KCNIP4: variants seen among roughly 807,000 people sequenced by gnomAD.
The protein encoded by KCNIP4 is potassium voltage-gated channel interacting protein 4.
Under a neutral mutation model 34.0 loss-of-function variants are expected in KCNIP4, and 12 were observed. The ratio of observed to expected loss-of-function variants is 0.35; its 90% CI spans 0.23 to 0.57. KCNIP4 has a LOEUF of 0.57. Ranked by LOEUF, KCNIP4 falls within the 20% of genes least tolerant of loss-of-function variation. The probability of loss-of-function intolerance (pLI) is 0.83; values close to 1 mark genes in which losing one functional copy is unlikely to be tolerated. For synonymous variants in KCNIP4, 124 were observed against 102.2 expected (o/e 1.21, Z -1.29); for missense variants, 238 against 311.7 (o/e 0.76, Z 1.78).
At chr4:21,112,025 G>GTATCCATCTATCTATCTATCTATCTATC (rs35053587) in intron 1 of KCNIP4, among the ~76,000 whole-genome samples, 5 of 114,808 alleles carry the variant, frequency 4.4e-5, no homozygotes, top group African/African-American at 2.0e-4. Context: ...TCCTTTCTCT[G>GTATCCATCTATCTATCTATCTATCTATC]TATCTATCTA....
intron 1 of KCNIP4, among the ~76,000 whole-genome samples, chr4:21,312,542 CA>C (rs1399407059): frequency 2.0e-5 from 3 of 152,196 alleles, no homozygotes; most frequent in African/African-American, 7.2e-5. Context: ...ACACCTTTTA[CA>C]AACTTGACAT....
At chr4:21,430,334 T>TA (rs1434846612) in intron 1 of KCNIP4, among the ~76,000 whole-genome samples, 32 of 151,026 alleles carry the variant, frequency 2.1e-4, no homozygotes, top group Admixed American at 2.0e-3. Context: ...AAAGAGAAGG[T>TA]AAAAAGAAGA....
At chr4:21,325,603 T>C (rs1000927989) in intron 1 of KCNIP4, among the ~76,000 whole-genome samples, 2 of 151,920 alleles carry the variant, frequency 1.3e-5, no homozygotes, top group Admixed American at 6.6e-5. Context: ...TTTCATTTAT[T>C]TCTGCTCTGA....
At chr4:20,991,311 T>A (rs1737065822) in intron 1 of KCNIP4, among the ~76,000 whole-genome samples, 1 of 152,132 alleles carries the variant, frequency 6.6e-6, no homozygotes, top group Non-Finnish European at 1.5e-5. Flanking sequence ...AAATATTCAG[T>A]AACTAGTTCT....
intron 1 of KCNIP4, among the ~76,000 whole-genome samples, chr4:21,322,334 G>T (rs1714586255): frequency 6.6e-6 from 1 of 152,202 alleles, no homozygotes; most frequent in Non-Finnish European, 1.5e-5. Context: ...CAGGGGAGGA[G>T]GCCACAACTA....
intron 1 of KCNIP4, among the ~76,000 whole-genome samples, chr4:21,664,833 C>T (rs538313590): frequency 3.2e-4 from 49 of 152,240 alleles, no homozygotes; most frequent in African/African-American, 1.1e-3. Context: ...CATTGCACAA[C>T]TTTATGGCAT....
intron 1 of KCNIP4, among the ~76,000 whole-genome samples, chr4:21,461,366 A>C (rs2109775811): frequency 6.6e-6 from 1 of 152,114 alleles, no homozygotes; most frequent in South Asian, 2.1e-4. Context: ...AGTCTCGGGT[A>C]GTTCTTTAAA....
At chr4:21,579,019 G>A (rs1740980054) in intron 1 of KCNIP4, among the ~76,000 whole-genome samples, 1 of 151,984 alleles carries the variant, frequency 6.6e-6, no homozygotes, top group South Asian at 2.1e-4. Flanking sequence ...AATTTTTTTC[G>A]TGGTTTGTTT....
At chr4:21,239,010 C>A (rs2109043870) in intron 1 of KCNIP4, among the ~76,000 whole-genome samples, 1 of 152,202 alleles carries the variant, frequency 6.6e-6, no homozygotes, top group African/African-American at 2.4e-5. Flanking sequence ...CAGCATGGTA[C>A]TGGTACCAAA....
At chr4:21,354,802 T>C (rs1578119547) in intron 1 of KCNIP4, among the ~76,000 whole-genome samples, 1 of 152,178 alleles carries the variant, frequency 6.6e-6, no homozygotes, top group African/African-American at 2.4e-5. Flanking sequence ...GTGGACCTAA[T>C]AGACATCTAC....
chr4:21,225,568 C>T (rs1300255066), intron 1 of KCNIP4, among the ~76,000 whole-genome samples: 2 of 152,068 alleles, frequency 1.3e-5, no homozygotes, highest in African/African-American at 4.8e-5. Context: ...TCTATAATCG[C>T]TGGATTTTTG....
intron 1 of KCNIP4, among the ~76,000 whole-genome samples, chr4:21,255,134 T>C (rs2109088187): frequency 6.6e-6 from 1 of 152,122 alleles, no homozygotes; most frequent in South Asian, 2.1e-4. Flanking sequence ...CTCTGCCCAT[T>C]TTGCCCAACT....
At chr4:21,228,413 G>A (rs974308175) in intron 1 of KCNIP4, among the ~76,000 whole-genome samples, 1 of 152,150 alleles carries the variant, frequency 6.6e-6, no homozygotes, top group Non-Finnish European at 1.5e-5. Flanking sequence ...CTGCAGAACT[G>A]TGAGTCAATG....
At chr4:21,519,608 ATG>A (rs1280484304) in intron 1 of KCNIP4, among the ~76,000 whole-genome samples, 3 of 98,698 alleles carry the variant, frequency 3.0e-5, no homozygotes, top group African/African-American at 8.6e-5. Context: ...ATATACACAT[ATG>A]TGTGTGTATG....
intron 1 of KCNIP4, among the ~76,000 whole-genome samples, chr4:20,996,484 T>TAAACTAAG (rs1560631849): frequency 6.6e-6 from 1 of 152,204 alleles, no homozygotes; most frequent in African/African-American, 2.4e-5. Flanking sequence ...ATTTATTAAA[T>TAAACTAAG]AAACTAAGAC....
chr4:21,755,658 C>T (rs1011374374), intron 1 of KCNIP4, among the ~76,000 whole-genome samples: 2 of 152,102 alleles, frequency 1.3e-5, no homozygotes, highest in Non-Finnish European at 2.9e-5. Context: ...TAATGGACTT[C>T]CCAAGCATGG....
chr4:21,275,388 A>C (rs1414438080), intron 1 of KCNIP4, among the ~76,000 whole-genome samples: 1 of 152,214 alleles, frequency 6.6e-6, no homozygotes. Flanking sequence ...GATCACATGG[A>C]TTAATAGGTC....
chr4:20,995,953 G>C (rs1057370094), intron 1 of KCNIP4, among the ~76,000 whole-genome samples: 58 of 152,188 alleles, frequency 3.8e-4, no homozygotes, highest in African/African-American at 1.3e-3. Context: ...AAGTGTGGTA[G>C]GATTTCAGGG....
intron 1 of KCNIP4, chr4:21,851,289 C>T (rs1476703072): frequency 6.6e-6 from 1 of 152,042 alleles, no homozygotes; most frequent in East Asian, 1.9e-4. Flanking sequence ...TTCTGAAAAT[C>T]CAACACTGCA....
Sources: gnomAD v4.1 joint callset for allele counts (sites outside exome capture counted in the v4.1 genomes callset) on GRCh38, gnomAD v4.1.1 for gene constraint, MANE v1.5 for transcripts, NCBI Gene and HGNC (gene_info 2026-07-23, HGNC 2026-07-21) for gene names.